Variants in PMPCA observed in about 807,000 individuals in gnomAD.
PMPCA encodes mitochondrial-processing peptidase subunit alpha.
In PMPCA, 47 loss-of-function variants were observed where a neutral mutation model predicts 59.3. The observed-to-expected ratio is 0.79, with a 90% CI of 0.63 to 1.01. PMPCA has a LOEUF of 1.01. Ranked by LOEUF, PMPCA falls within the 50% of genes least tolerant of loss-of-function variation. The pLI is 0.00. For missense variants in PMPCA, 726 were observed against 704.5 expected, an observed-to-expected ratio of 1.03 and a Z score of -0.34; for synonymous variants, 338 against 290.3, an observed-to-expected ratio of 1.16 and a Z score of -1.67.
chr9:136,417,951 C>T, intron 7 of PMPCA, 66 bp from the exon 8 acceptor site: 1 of 1,088,942 alleles, frequency 9.2e-7, no homozygotes, highest in Non-Finnish European at 1.4e-6. Context: ...AAGATGATCT[C>T]ATCTGGGGTT....
intron 5 of PMPCA, among the ~76,000 whole-genome samples, chr9:136,415,132 G>A (rs10870151): frequency 0.22 from 33,753 of 152,064 alleles, 4,334 homozygotes; most frequent in Non-Finnish European, 0.29. Flanking sequence ...GTAGCCAGGC[G>A]TGCTGGCTCA....
chr9:136,421,108 T>A (rs751927751), intron 11 of PMPCA, among the ~76,000 whole-genome samples: 1 of 152,302 alleles, frequency 6.6e-6, no homozygotes, highest in Non-Finnish European at 1.5e-5. Flanking sequence ...CCAGGGACTT[T>A]GCTAAAACCA....
intron 1 of PMPCA, chr9:136,411,103 A>G: frequency 4.2e-6 from 1 of 238,830 alleles, no homozygotes; most frequent in Non-Finnish European, 8.1e-6. Flanking sequence ...TTCTGACACC[A>G]GGGTCCAGGC....
chr9:136,418,700 C>T (rs765223968), intron 9 of PMPCA, 27 bp downstream of exon 9: 6 of 1,534,096 alleles, frequency 3.9e-6, no homozygotes, highest in Non-Finnish European at 5.4e-6. Context: ...TCTGTATCCT[C>T]AGGCCACCAG....
At position 136,412,499 on chromosome 9, in the gene PMPCA, A is replaced by G. The variant is rs559122481; in HGVS notation, c.284A>G (p.Asn95Ser). Residue 95 changes from asparagine to serine, a missense_variant, in exon 3 of 13, where the codon AAT (asparagine) becomes AGT (serine). Transcript: ENST00000371717. ...TTCTTTTTACTACTAGTTCTTATCA[A>G]TTCAGGATCGAGATATGAAGCGAAA... is the stretch of plus-strand genomic sequence containing the variant. Reference protein sequence around the residue: ...GQFCTVGILINSGSRYEAKYL... With the variant: ...GQFCTVGILISSGSRYEAKYL... The G allele has an allele frequency of 7.7e-6, 12 of 1,559,760 alleles. No homozygotes were observed. The African/African-American group carries it at 1.5e-4, about 19-fold the overall frequency.
intron 5 of PMPCA, among the ~76,000 whole-genome samples, chr9:136,415,543 C>T (rs1163593175): frequency 1.3e-5 from 2 of 152,228 alleles, no homozygotes; most frequent in Non-Finnish European, 2.9e-5. Flanking sequence ...TGCAGTTTCA[C>T]AGCAGCTTGC....
At chr9:136,418,419 C>T in intron 8 of PMPCA, 136 bp from the exon 9 acceptor site, 1 of 705,142 alleles carries the variant, frequency 1.4e-6, no homozygotes, top group South Asian at 1.7e-5. Flanking sequence ...CAGCTCTGCC[C>T]TCCGTCCCTG....
At position 136,416,953 on chromosome 9, in the gene PMPCA, G is replaced by C; in HGVS notation, c.636G>C (p.Ala212=). Residue 212 remains alanine (A), a splice_region_variant and synonymous_variant, in exon 7 of 13, where the codon GCG becomes GCC. Transcript: ENST00000371717. ...TGTCTGTGGCTCTTCCCCATTAGGC[G>C]GCTTACAGGGAGAACACAGTTGGCC... ...EPLLTEMIHE[A]AYRENTVGLH... 2.5e-6 allele frequency: 4 copies of C among 1,607,036 alleles called. No individual in the cohort carries two copies. Among genetic ancestry groups the C allele is most frequent in the Non-Finnish European group, 3.4e-6 (4 of 1,176,276 alleles).
Position 136,418,901 on chromosome 9 carries a change from A to G in PMPCA, c.1183A>G (p.Ser395Gly), listed in dbSNP as rs775836847. 4 of 1,613,750 alleles carry G rather than the reference A, an allele frequency of 2.5e-6. No individual in the cohort carries two copies. The highest frequency in any genetic ancestry group is 3.4e-6 in the Non-Finnish European group (4 of 1,179,924). Residue 395 changes from serine (S) to glycine (G), a missense_variant, in exon 10 of 13, where the codon AGC becomes GGC. By Grantham distance (56) the Ser-to-Gly change is moderately conservative (BLOSUM62 0). Transcript: ENST00000371717. The part of the protein sequence containing the change: ...EDTGLLCIHA[S>G]ADPRQVREMV... ...CACTGGCCTCCTTTGCATCCATGCC[A>G]GCGCCGACCCAAGACAGGTGAGGGC...
In PMPCA at chr9:136,423,260, G is replaced by A. The variant is rs748306818; in HGVS notation, c.1574G>A (p.Arg525Gln). Residue 525 changes from arginine to glutamine, a missense_variant, in exon 13 of 13, where the codon CGG (arginine) becomes CAG (glutamine). Physicochemically the swap from Arg to Gln is conservative, Grantham distance 43. Transcript: ENST00000371717. ...GRLPRTYRLF[R>Q] ...CTGCCCAGGACGTACCGGCTCTTCCGGTAGAACCGCTCCCCGGCCTGACAG... is the reference window on the plus strand; with the variant it reads ...CTGCCCAGGACGTACCGGCTCTTCCAGTAGAACCGCTCCCCGGCCTGACAG... 3.3e-5 allele frequency: 53 copies of A among 1,610,732 alleles called. No individual in the cohort carries two copies. Among genetic ancestry groups the A allele is most frequent in the Non-Finnish European group, 4.3e-5 (51 of 1,178,784 alleles).
intron 4 of PMPCA, among the ~76,000 whole-genome samples, chr9:136,413,128 T>C (rs1397385937): frequency 2.0e-5 from 3 of 152,134 alleles, no homozygotes; most frequent in Non-Finnish European, 4.4e-5. Context: ...GCCAGGGATG[T>C]AGAGCAGGCC....
rs769502070 is a variant in PMPCA, at chr9:136,418,588, A to G, written c.1024A>G (p.Met342Val). Residue 342 changes from methionine (M) to valine (V), a missense_variant, in exon 9 of 13, where the codon ATG becomes GTG. Physicochemically the swap from Met to Val is conservative, Grantham distance 21. Transcript: ENST00000371717. Reference sequence around the variant, plus strand: ...CTTCATCCCCTTTGCAGTGTTGAACATGATGATGGGCGGAGGTGGCTCCTT... The same window carrying G: ...CTTCATCCCCTTTGCAGTGTTGAACGTGATGATGGGCGGAGGTGGCTCCTT... The part of the protein sequence containing the change: ...EDFIPFAVLN[M>V]MMGGGGSFSA... The G allele has an allele frequency of 1.2e-5, 19 of 1,613,646 alleles. No individual in the cohort carries two copies. The highest frequency in any genetic ancestry group is 1.5e-5 in the Non-Finnish European group (18 of 1,179,656).
In PMPCA at chr9:136,418,563, C is replaced by T; in HGVS notation, c.999C>T (p.Asp333=). ...GLESCSFLEE[D]FIPFAVLNMM... is the part of the protein sequence containing the mutation. Reference sequence around the variant, plus strand: ...GCCCTCCGTCCCTGCAGGAGGAGGACTTCATCCCCTTTGCAGTGTTGAACA... The same window carrying T: ...GCCCTCCGTCCCTGCAGGAGGAGGATTTCATCCCCTTTGCAGTGTTGAACA... The change falls in exon 9 of 13, where the codon GAC becomes GAT. Residue 333 remains aspartate, a synonymous_variant. Transcript: ENST00000371717. 6.2e-7 allele frequency: 1 copy of T among 1,608,132 alleles called. No individual in the cohort carries two copies. Among genetic ancestry groups the T allele is most frequent in the Non-Finnish European group, 8.5e-7 (1 of 1,174,512 alleles).
intron 4 of PMPCA, among the ~76,000 whole-genome samples, chr9:136,413,752 C>A (rs1414528690): frequency 6.6e-6 from 1 of 152,156 alleles, no homozygotes; most frequent in Non-Finnish European, 1.5e-5. Flanking sequence ...CCCAGCCCCC[C>A]TCGCCCTCAG....
intron 8 of PMPCA, 49 bp from the exon 9 acceptor site, chr9:136,418,506 C>G: frequency 8.5e-7 from 1 of 1,179,108 alleles, no homozygotes; most frequent in Non-Finnish European, 1.3e-6. Flanking sequence ...TGACGGTGCT[C>G]CTGACGTGGC....
In PMPCA at chr9:136,417,332, G is replaced by C. The variant is rs1010159201; in HGVS notation, c.897+118G>C. On this transcript the variant is annotated intron_variant, in intron 7 of 12. Transcript: ENST00000371717. ...AGGTGTTGACTGCATGTGTAGCTTTGCCTTAACACATGCTGTAGTCCCACA... is the reference window on the plus strand; with the variant it reads ...AGGTGTTGACTGCATGTGTAGCTTTCCCTTAACACATGCTGTAGTCCCACA... 6.4e-6 allele frequency: 5 copies of C among 787,058 alleles called. No individual in the cohort carries two copies. In the South Asian group the frequency reaches 7.8e-5, roughly 12 times the overall value. The allele number at this position is 787,058 out of a possible 1,614,324, so 48.8% of individuals were successfully genotyped here. A position where few individuals can be genotyped will look rare whatever the true frequency, so the allele number is the denominator to read the frequency against.
intron 2 of PMPCA, 129 bp from the exon 3 acceptor site, chr9:136,412,361 C>T (rs1835153839): frequency 1.3e-6 from 1 of 758,896 alleles, no homozygotes; most frequent in Non-Finnish European, 2.3e-6. Flanking sequence ...CCTGTGAAAC[C>T]ATCAGCACAA....
At chr9:136,416,082 A>T (rs1250747349) in intron 5 of PMPCA, 2 of 585,872 alleles carry the variant, frequency 3.4e-6, no homozygotes, top group African/African-American at 1.9e-5. Flanking sequence ...CTGAGGCGGG[A>T]TGTGAGGCCC....
chr9:136,413,135 G>T (rs1835182157), intron 4 of PMPCA, among the ~76,000 whole-genome samples: 1 of 152,236 alleles, frequency 6.6e-6, no homozygotes, highest in Non-Finnish European at 1.5e-5. Context: ...ATGTAGAGCA[G>T]GCCCTGTTCC....
Sources: allele counts gnomAD v4.1 joint callset (sites outside exome capture counted in the v4.1 genomes callset), GRCh38; gene constraint gnomAD v4.1.1; transcripts MANE v1.5; gene names NCBI Gene and HGNC (gene_info 2026-07-23, HGNC 2026-07-21).